CTTN: variants seen among roughly 807,000 people sequenced by gnomAD.
CTTN encodes the protein src substrate cortactin.
CTTN carries 28 observed loss-of-function variants against 84.0 expected under a neutral mutation model. The ratio of observed to expected loss-of-function variants is 0.33; its 90% CI spans 0.25 to 0.46. The LOEUF (loss-of-function observed/expected upper bound fraction) is 0.46. CTTN is among the 20% of genes least tolerant of loss of function. CTTN has a pLI of 1.00. For synonymous variants in CTTN, 301 were observed against 288.8 expected, an observed-to-expected ratio of 1.04 and a Z score of -0.43; for missense variants, 641 against 723.8, an observed-to-expected ratio of 0.89 and a Z score of 1.31.
chr11:70,436,277 T>C lies in CTTN; in HGVS notation c.*1115T>C, dbSNP rs2058416283. ...TCCTGGCATTTGTGGCCACTCACTT[T>C]GTAGGAAACTCATCTCCTTCCTGAG... On this transcript the variant is annotated 3_prime_UTR_variant, in exon 18 of 18. Coordinates refer to ENST00000301843, the MANE Select transcript of CTTN (RefSeq NM_005231.4). 1 of 1,597,716 alleles carries C rather than the reference T, an allele frequency of 6.3e-7. No individual in the cohort carries two copies. Among genetic ancestry groups the C allele is most frequent in the African/African-American group, 1.3e-5 (1 of 74,890 alleles).
chr11:70,404,007 A>T (rs1158041745), intron 1 of CTTN, among the ~76,000 whole-genome samples: 6 of 152,142 alleles, frequency 3.9e-5, no homozygotes. Flanking sequence ...CAGCCTCCTG[A>T]GTAGCTGGGA....
Position 70,435,735 on chromosome 11 carries a change from G to A in CTTN, c.*573G>A, listed in dbSNP as rs756356449. The A allele has an allele frequency of 8.1e-6, 13 of 1,597,536 alleles. No individual in the cohort carries two copies. Among genetic ancestry groups the A allele is most frequent in the Middle Eastern group, 1.7e-4 (1 of 6,028 alleles). On this transcript the variant is annotated 3_prime_UTR_variant, in exon 18 of 18. Coordinates refer to ENST00000301843, the MANE Select transcript of CTTN (RefSeq NM_005231.4). Reference sequence around the variant, plus strand: ...TGCCTATGTCATACCGTGACAGCCCGCAGGATCAGGTGACTTCTAGCAGAG... The same window carrying A: ...TGCCTATGTCATACCGTGACAGCCCACAGGATCAGGTGACTTCTAGCAGAG...
At chr11:70,423,958 G>A (rs192248730) in intron 12 of CTTN, among the ~76,000 whole-genome samples, 54 of 152,290 alleles carry the variant, frequency 3.5e-4, no homozygotes, top group African/African-American at 1.3e-3. Flanking sequence ...GGAGGGGCTC[G>A]GGTGGTGGAG....
rs141766071 is a variant in CTTN at position 70,413,938 on chromosome 11, C to T, written c.292-604C>T. The stretch of plus-strand genomic sequence containing the variant: ...CGGATCCTGCCACAGGCTGCCAGCT[C>T]TGTGTACCTTCTTCATGCCCGGTCG... On this transcript the variant is annotated intron_variant, in intron 5 of 17. Transcript: ENST00000301843. Among the ~76,000 whole-genome samples, 165 of 152,328 alleles carry T rather than the reference C, an allele frequency of 1.1e-3. 1 individual carries two copies. Among genetic ancestry groups the T allele is most frequent in the African/African-American group, 3.7e-3 (154 of 41,572 alleles).
At position 70,433,731 on chromosome 11, in the gene CTTN, C is replaced by T. The variant is rs2058382256; in HGVS notation, c.1516+13C>T. 1.9e-6 allele frequency: 3 copies of T among 1,604,240 alleles called. No individual in the cohort carries two copies. Among genetic ancestry groups the T allele is most frequent in the Non-Finnish European group, 2.6e-6 (3 of 1,171,150 alleles). The stretch of plus-strand genomic sequence containing the variant: ...GACTACCAGGCTGGTGAGCGGCCTG[C>T]AAAAGCACTTGGAGGGGAGACCCAG... On this transcript the variant is annotated intron_variant, in intron 17 of 17. Transcript: ENST00000301843.
intron 4 of CTTN, chr11:70,408,276 C>G (rs1306708515): frequency 6.6e-6 from 1 of 152,200 alleles, no homozygotes; most frequent in African/African-American, 2.4e-5. Context: ...CCTCAGTATC[C>G]CGGGAAGACT....
At chr11:70,422,395 C>T in intron 11 of CTTN, 1 of 810,136 alleles carries the variant, frequency 1.2e-6, no homozygotes, top group Non-Finnish European at 1.8e-6. Flanking sequence ...GGCAGTGGCT[C>T]TCCGTGGCAT....
At chr11:70,413,482 C>G (rs1433903486) in intron 5 of CTTN, among the ~76,000 whole-genome samples, 1 of 152,180 alleles carries the variant, frequency 6.6e-6, no homozygotes, top group African/African-American at 2.4e-5. Flanking sequence ...AATAGAACTG[C>G]CGAACGGAGT....
chr11:70,422,960 G>T lies in CTTN; in HGVS notation c.922G>T (p.Gly308Trp). The T allele has an allele frequency of 1.2e-6, 2 of 1,614,048 alleles. No homozygotes were observed. The highest frequency in any genetic ancestry group is 1.7e-6 in the Non-Finnish European group (2 of 1,180,024). Residue 308 changes from glycine (G) to tryptophan (W), a missense_variant, in exon 12 of 18, where the codon GGG (glycine) becomes TGG (tryptophan). Around this residue, in one of 3 missense-constraint regions of CTTN, gnomAD observed 289 missense variants for 273.1 expected, o/e 1.06. Coordinates refer to ENST00000301843, the MANE Select transcript of CTTN (RefSeq NM_005231.4). ...SQQDYSKGFG[G>W]KYGVQKDRMD... ...TTCAGACTACTCCAAAGGATTCGGC[G>T]GGAAGTATGGGGTGCAGAAGGATCG...
At chr11:70,431,408 C>A in intron 15 of CTTN, 128 bp downstream of exon 15, 3 of 983,860 alleles carry the variant, frequency 3.0e-6, no homozygotes, top group Non-Finnish European at 4.7e-6. Flanking sequence ...CGCTGCATTC[C>A]ACGCCCGGAG....
In CTTN at chr11:70,435,424, GTTTTT is replaced by G; in HGVS notation, c.*268_*272del. 7.2e-7 allele frequency: 1 copy of G among 1,381,482 alleles called. No homozygotes were observed. The highest frequency in any genetic ancestry group is 1.4e-5 in the South Asian group (1 of 70,672). 85.6% of individuals were successfully genotyped at this position (1,381,482 alleles called of 1,614,324 possible). ...TGGTAATTGGTTTTATGCATTGATG[GTTTTT>G]TTTTTCTTTTTTGCCAAATTGACTG... On this transcript the variant is annotated 3_prime_UTR_variant, in exon 18 of 18. Transcript: ENST00000301843.
At chr11:70,411,702 C>T (rs540463993) in intron 5 of CTTN, among the ~76,000 whole-genome samples, 19 of 152,202 alleles carry the variant, frequency 1.2e-4, no homozygotes, top group African/African-American at 4.3e-4. Context: ...CTTTTTTCAG[C>T]GCGAATCTCG....
intron 7 of CTTN, among the ~76,000 whole-genome samples, chr11:70,416,588 C>T (rs1440713040): frequency 6.6e-6 from 1 of 152,084 alleles, no homozygotes; most frequent in Non-Finnish European, 1.5e-5. Context: ...TGTGCCACTA[C>T]CCCTGGCTAG....
At chr11:70,407,413 T>G (rs1470548865) in intron 3 of CTTN, 29 bp downstream of exon 3, 3 of 1,613,090 alleles carry the variant, frequency 1.9e-6, no homozygotes, top group Admixed American at 3.3e-5. Flanking sequence ...TGCTTTCCTC[T>G]TTCATGAAGT....
chr11:70,433,168 T>C lies in CTTN; in HGVS notation c.1334T>C (p.Val445Ala), dbSNP rs2058374290. The C allele has an allele frequency of 1.9e-6, 3 of 1,613,616 alleles. No individual in the cohort carries two copies. The highest frequency in any genetic ancestry group is 1.7e-5 in the Admixed American group (1 of 60,016). ...GPVSGTEPEP[V>A]YSMEAADYRE... ...GTGAGTGGGACGGAGCCGGAGCCCGTGTACAGCATGGAGGCCGCTGACTAC... is the reference window on the plus strand; with the variant it reads ...GTGAGTGGGACGGAGCCGGAGCCCGCGTACAGCATGGAGGCCGCTGACTAC... Residue 445 changes from valine to alanine, a missense_variant, in exon 16 of 18, where the codon GTG becomes GCG. Physicochemically the swap from Val to Ala is moderately conservative, Grantham distance 64. Around this residue, in one of 3 missense-constraint regions of CTTN, gnomAD observed 289 missense variants for 273.1 expected, o/e 1.06. Transcript: ENST00000301843.
chr11:70,422,877 C>G, intron 11 of CTTN, 63 bp from the exon 12 acceptor site: 1 of 1,611,540 alleles, frequency 6.2e-7, no homozygotes, highest in Admixed American at 1.7e-5. Flanking sequence ...TCTGCATGCA[C>G]CCACGGCCAC....
rs766979257 is a variant in CTTN at position 70,433,706 on chromosome 11, G to A, written c.1504G>A (p.Asp502Asn). 3.1e-6 allele frequency: 5 copies of A among 1,613,450 alleles called. No individual in the cohort carries two copies. Among genetic ancestry groups the A allele is most frequent in the Non-Finnish European group, 3.4e-6 (4 of 1,179,424 alleles). ...GGGGATCACAGCCGTCGCCCTGTAC[G>A]ACTACCAGGCTGGTGAGCGGCCTGC... ...DLGITAVALY[D>N]YQAAGDDEIS... Residue 502 changes from aspartate (D) to asparagine (N), a missense_variant, in exon 17 of 18, where the codon GAC (aspartate) becomes AAC (asparagine). This residue lies in a region of CTTN where 68 missense variants were observed against 102.2 expected (regional missense o/e 0.67). Transcript: ENST00000301843.
At chr11:70,433,519 A>G in intron 16 of CTTN, 128 bp from the exon 17 acceptor site, 1 of 854,250 alleles carries the variant, frequency 1.2e-6, no homozygotes, top group Non-Finnish European at 2.0e-6. Flanking sequence ...GGGCAGAGGA[A>G]GGGAGGGTTT....
intron 8 of CTTN, among the ~76,000 whole-genome samples, chr11:70,417,911 T>G (rs2058182849): frequency 1.3e-5 from 2 of 152,202 alleles, no homozygotes; most frequent in South Asian, 2.1e-4. Context: ...ATGTAAAATT[T>G]CCATAGATAC....
Sources: gnomAD v4.1 joint callset for allele counts (sites outside exome capture counted in the v4.1 genomes callset) on GRCh38, gnomAD v4.1.1 for gene constraint, gnomAD v4.1.1 regional missense constraint, MANE v1.5 for transcripts, NCBI Gene and HGNC (gene_info 2026-07-23, HGNC 2026-07-21) for gene names.